The following UBE2D2 variants were observed in gnomAD, a reference collection of about 807,000 sequenced individuals.
UBE2D2 encodes ubiquitin conjugating enzyme E2 D2.
In UBE2D2, 2 loss-of-function variants were observed where a neutral mutation model predicts 24.2. The ratio of observed to expected loss-of-function variants is 0.08; its 90% CI spans 0.03 to 0.26. The LOEUF (loss-of-function observed/expected upper bound fraction) is 0.26. UBE2D2 is among the 10% of genes least tolerant of loss of function. The probability of loss-of-function intolerance (pLI) is 1.00; values close to 1 mark genes in which losing one functional copy is unlikely to be tolerated. For missense variants in UBE2D2, 44 were observed against 177.6 expected, an observed-to-expected ratio of 0.25 and a Z score of 4.28; for synonymous variants, 58 against 56.5, an observed-to-expected ratio of 1.03 and a Z score of -0.12.
rs33938446 is a variant in UBE2D2 at position 139,544,168 on chromosome 5, C to CTTT, written c.-64+17569_-64+17571dup. On this transcript the variant is annotated intron_variant, in intron 1 of 6. Coordinates refer to the UBE2D2 transcript ENST00000511725. Reference sequence around the variant, plus strand: ...CTGTCTAGATCTTTTTTCTTTCTTTCTTTTTTTTTTTTTTTAATAGAGATG... The same window carrying CTTT: ...CTGTCTAGATCTTTTTTCTTTCTTTCTTTTTTTTTTTTTTTTTTAATAGAGATG... Among the ~76,000 whole-genome samples, 86 of 136,632 alleles carry CTTT rather than the reference C, an allele frequency of 6.3e-4. 2 individuals are homozygous for CTTT. The South Asian group carries it at 0.015, about 24-fold the overall frequency. The allele number at this position is 136,632 out of a possible 152,430, so 89.6% of individuals were successfully genotyped here. A position where few individuals can be genotyped will look rare whatever the true frequency, so the allele number is the denominator to read the frequency against.
chr5:139,589,594 G>A (rs13160670), intron 1 of UBE2D2, among the ~76,000 whole-genome samples: 47,102 of 151,930 alleles, frequency 0.31, 8,843 homozygotes, highest in African/African-American at 0.53. Context: ...TTGTTTTGAT[G>A]GAAACAATTA....
chr5:139,548,185 A>T lies in UBE2D2; in HGVS notation c.-64+21573A>T, dbSNP rs1238855311. The stretch of plus-strand genomic sequence containing the variant: ...TCTCAAAAAAAAAAAAAAAAAAAAT[A>T]AAAAAAAAAAATAAATAAATAAATA... On this transcript the variant is annotated intron_variant, in intron 1 of 6. Coordinates refer to the UBE2D2 transcript ENST00000511725. 1.8e-3 allele frequency among the ~76,000 whole-genome samples: 47 copies of T among 26,218 alleles called. 1 individual carries two copies. The highest frequency in any genetic ancestry group is 3.6e-3 in the African/African-American group (7 of 1,944). The allele number at this position is 26,218 out of a possible 152,430, so 17.2% of individuals were successfully genotyped here. A position where few individuals can be genotyped will look rare whatever the true frequency, so the allele number is the denominator to read the frequency against.
At chr5:139,532,526 TA>T (rs1333926351) in intron 1 of UBE2D2, among the ~76,000 whole-genome samples, 2 of 152,086 alleles carry the variant, frequency 1.3e-5, no homozygotes, top group Non-Finnish European at 2.9e-5. Flanking sequence ...TAATTTTTTG[TA>T]TTTTTAGTGG....
chr5:139,545,052 T>C (rs571159958), intron 1 of UBE2D2, among the ~76,000 whole-genome samples: 3 of 152,246 alleles, frequency 2.0e-5, no homozygotes, highest in African/African-American at 7.2e-5. Flanking sequence ...GTGCTGGGAT[T>C]TCAGGCGTGA....
intron 6 of UBE2D2, among the ~76,000 whole-genome samples, chr5:139,624,391 G>A (rs896438687): frequency 5.3e-5 from 8 of 152,258 alleles, no homozygotes; most frequent in Admixed American, 6.5e-5. Context: ...AGCCTCTGGA[G>A]TAGCTAGGAT....
intron 1 of UBE2D2, among the ~76,000 whole-genome samples, chr5:139,535,775 C>T (rs940304222): frequency 1.3e-5 from 2 of 152,222 alleles, no homozygotes; most frequent in Admixed American, 6.5e-5. Context: ...ACATCTGCAA[C>T]ATATACAAAG....
intron 1 of UBE2D2, among the ~76,000 whole-genome samples, chr5:139,577,404 CTTTTT>C (rs869189901): frequency 2.2e-4 from 15 of 69,110 alleles, no homozygotes; most frequent in African/African-American, 8.0e-4. Context: ...TAGCATCTCT[CTTTTT>C]TTTTTTTTTT....
At chr5:139,616,646 T>G (rs1754426942) in intron 5 of UBE2D2, among the ~76,000 whole-genome samples, 2 of 152,216 alleles carry the variant, frequency 1.3e-5, no homozygotes, top group Admixed American at 1.3e-4. Flanking sequence ...ACACTCATAT[T>G]CTTCAAGTAG....
intron 1 of UBE2D2, among the ~76,000 whole-genome samples, chr5:139,551,074 G>GT (rs1486536215): frequency 6.6e-6 from 1 of 152,180 alleles, no homozygotes; most frequent in Non-Finnish European, 1.5e-5. Flanking sequence ...GGGGGAGGGG[G>GT]GAGGTCACAC....
At chr5:139,548,193 A>AAAAAAAAAAAAAATAAATAAATAAAT in intron 1 of UBE2D2, among the ~76,000 whole-genome samples, 13 of 47,108 alleles carry the variant, frequency 2.8e-4, no homozygotes, top group Admixed American at 4.7e-4. Context: ...ATAAAAAAAA[A>AAAAAAAAAAAAAATAAATAAATAAAT]AAATAAATAA....
chr5:139,550,335 A>G (rs1752893832), intron 1 of UBE2D2, among the ~76,000 whole-genome samples: 1 of 152,194 alleles, frequency 6.6e-6, no homozygotes, highest in Non-Finnish European at 1.5e-5. Flanking sequence ...TTGTAAATAC[A>G]GCAATCAACA....
At chr5:139,617,309 G>C (rs1352549797) in intron 5 of UBE2D2, among the ~76,000 whole-genome samples, 1 of 151,592 alleles carries the variant, frequency 6.6e-6, no homozygotes, top group East Asian at 1.9e-4. Context: ...AGTATGTTGA[G>C]TGTCCAGAAA....
chr5:139,606,368 G>A (rs1224265116), intron 2 of UBE2D2, among the ~76,000 whole-genome samples: 1 of 151,872 alleles, frequency 6.6e-6, no homozygotes, highest in Non-Finnish European at 1.5e-5. Context: ...TCACCATGTT[G>A]GCCAGGCTGG....
chr5:139,574,509 C>T (rs1753426391), intron 1 of UBE2D2, among the ~76,000 whole-genome samples: 1 of 151,744 alleles, frequency 6.6e-6, no homozygotes, highest in Non-Finnish European at 1.5e-5. Context: ...TACTTGGGGA[C>T]CCAGCAGAAA....
chr5:139,618,389 A>G (rs1344181789), intron 5 of UBE2D2, among the ~76,000 whole-genome samples: 2 of 152,204 alleles, frequency 1.3e-5, no homozygotes, highest in African/African-American at 4.8e-5. Context: ...AAGTTATTAC[A>G]ACTTTAATGA....
chr5:139,542,074 C>CT (rs1752768543), intron 1 of UBE2D2, among the ~76,000 whole-genome samples: 1 of 152,124 alleles, frequency 6.6e-6, no homozygotes. Flanking sequence ...GTAATCCCAG[C>CT]TACTCAGGAG....
At chr5:139,545,031 G>A (rs937720689) in intron 1 of UBE2D2, among the ~76,000 whole-genome samples, 2 of 151,330 alleles carry the variant, frequency 1.3e-5, no homozygotes, top group Non-Finnish European at 2.9e-5. Flanking sequence ...CACCCGCCTC[G>A]GCCTTCCAAA....
At chr5:139,603,584 T>C (rs549603310) in intron 2 of UBE2D2, among the ~76,000 whole-genome samples, 1 of 121,042 alleles carries the variant, frequency 8.3e-6, no homozygotes, top group East Asian at 2.7e-4. Flanking sequence ...ATCCCGCCAC[T>C]ACACTCCAGC....
intron 1 of UBE2D2, among the ~76,000 whole-genome samples, chr5:139,568,015 A>G (rs1753272279): frequency 6.6e-6 from 1 of 152,172 alleles, no homozygotes; most frequent in African/African-American, 2.4e-5. Context: ...TCTTAAAGAA[A>G]GTAGTTGTAA....
Sources: gnomAD v4.1 joint callset for allele counts (sites outside exome capture counted in the v4.1 genomes callset) on GRCh38, gnomAD v4.1.1 for gene constraint, MANE v1.5 for transcripts, NCBI Gene and HGNC (gene_info 2026-07-23, HGNC 2026-07-21) for gene names.